Variants in PRKAR1B observed in about 807,000 individuals in gnomAD.
The protein encoded by PRKAR1B is protein kinase cAMP-dependent type I regulatory subunit beta.
A neutral mutation model predicts 46.5 loss-of-function variants in PRKAR1B; 22 were observed. That is an observed-to-expected ratio of 0.47 (90% CI 0.34 to 0.68). The LOEUF is 0.68. Among genes scored for constraint, PRKAR1B ranks in the 30% least tolerant of loss-of-function variants. The probability of loss-of-function intolerance (pLI) is 0.01; values close to 1 mark genes in which losing one functional copy is unlikely to be tolerated. For synonymous variants in PRKAR1B, 259 were observed against 217.7 expected, an observed-to-expected ratio of 1.19 and a Z score of -1.67; for missense variants, 445 against 535.6, an observed-to-expected ratio of 0.83 and a Z score of 1.67.
rs866540828 is a variant in PRKAR1B at position 555,749 on chromosome 7, A to G, written c.892-4279T>C. Among the ~76,000 whole-genome samples, 10 of 152,308 alleles carry G rather than the reference A, an allele frequency of 6.6e-5. No homozygotes were observed. In the Middle Eastern group the frequency reaches 0.01, roughly 155 times the overall value. The stretch of plus-strand genomic sequence containing the variant: ...GCAACTTGGCCAAGGCCACACAGTC[A>G]GAGTCCCGCTGCCTCCACAAGCAGA... On this transcript the variant is annotated intron_variant, in intron 9 of 10. Coordinates refer to ENST00000537384, the MANE Select transcript of PRKAR1B (RefSeq NM_001164760.2).
At chr7:676,949 G>GCCGGAGAAGGCA (rs1778355391) in intron 4 of PRKAR1B, among the ~76,000 whole-genome samples, 1 of 148,966 alleles carries the variant, frequency 6.7e-6, no homozygotes, top group Non-Finnish European at 1.5e-5. Context: ...CCTCCCGGAG[G>GCCGGAGAAGGCA]GCAAGGAGGG....
At chr7:636,751 G>A (rs1784131724) in intron 4 of PRKAR1B, among the ~76,000 whole-genome samples, 1 of 152,220 alleles carries the variant, frequency 6.6e-6, no homozygotes, top group Non-Finnish European at 1.5e-5. Context: ...GGCGGGACCT[G>A]ACGGGTCGGG....
intron 2 of PRKAR1B, among the ~76,000 whole-genome samples, chr7:687,427 A>G (rs145947311): frequency 3.5e-4 from 53 of 152,346 alleles, no homozygotes; most frequent in African/African-American, 1.3e-3. Flanking sequence ...AAAAATTGGA[A>G]CTAAGAACTT....
chr7:718,410 G>A (rs1780960084), intron 1 of PRKAR1B, among the ~76,000 whole-genome samples: 1 of 149,632 alleles, frequency 6.7e-6, no homozygotes, highest in African/African-American at 2.5e-5. Context: ...AGGATGGAGT[G>A]CAGTGGCACA....
chr7:601,652 C>A (rs1405045985), intron 6 of PRKAR1B, among the ~76,000 whole-genome samples: 1 of 152,242 alleles, frequency 6.6e-6, no homozygotes, highest in Non-Finnish European at 1.5e-5. Flanking sequence ...CTGACGCCCA[C>A]CCCTGCCCTG....
At chr7:591,060 C>T (rs922416809) in intron 7 of PRKAR1B, among the ~76,000 whole-genome samples, 7 of 152,282 alleles carry the variant, frequency 4.6e-5, no homozygotes, top group East Asian at 1.9e-4. Flanking sequence ...CCAGCAATTA[C>T]GCCCAGCCGG....
intron 2 of PRKAR1B, among the ~76,000 whole-genome samples, chr7:693,442 C>T (rs1337030089): frequency 6.6e-6 from 1 of 150,404 alleles, no homozygotes; most frequent in African/African-American, 2.4e-5. Context: ...AGCCCCGAAT[C>T]GACTTCCTGT....
chr7:706,422 A>ATCTTTTTTTTTTT (rs1780326036), intron 2 of PRKAR1B, among the ~76,000 whole-genome samples: 2 of 102,298 alleles, frequency 2.0e-5, no homozygotes, highest in Non-Finnish European at 3.7e-5. Flanking sequence ...CAAATAAGGA[A>ATCTTTTTTTTTTT]TTTTTTTTTT....
chr7:568,156 C>T (rs1049869846), intron 9 of PRKAR1B, among the ~76,000 whole-genome samples: 10 of 152,218 alleles, frequency 6.6e-5, no homozygotes, highest in African/African-American at 1.2e-4. Flanking sequence ...CACCCATGCT[C>T]GGGGGTCATG....
At chr7:590,008 C>T (rs137892594) in intron 7 of PRKAR1B, among the ~76,000 whole-genome samples, 345 of 152,356 alleles carry the variant, frequency 2.3e-3, no homozygotes, top group African/African-American at 7.7e-3. Flanking sequence ...CACTTTCAGA[C>T]GGAATCTGCT....
intron 4 of PRKAR1B, among the ~76,000 whole-genome samples, chr7:659,877 C>T (rs1785414498): frequency 6.6e-6 from 1 of 152,068 alleles, no homozygotes; most frequent in African/African-American, 2.4e-5. Flanking sequence ...GGCCCAGATT[C>T]CCAGATTTTT....
chr7:639,686 C>CA (rs1436986015), intron 4 of PRKAR1B, among the ~76,000 whole-genome samples: 1 of 151,634 alleles, frequency 6.6e-6, no homozygotes, highest in Admixed American at 6.6e-5. Context: ...CCCATCTCTA[C>CA]AAAAAAATTA....
intron 4 of PRKAR1B, among the ~76,000 whole-genome samples, chr7:610,712 C>T (rs1782432783): frequency 2.0e-5 from 3 of 152,200 alleles, no homozygotes; most frequent in Admixed American, 2.0e-4. Flanking sequence ...CACACAAAAC[C>T]CCCATGGCTT....
At chr7:625,851 A>G (rs868684395) in intron 4 of PRKAR1B, among the ~76,000 whole-genome samples, 1 of 152,096 alleles carries the variant, frequency 6.6e-6, no homozygotes. Flanking sequence ...AGTAAAAAAT[A>G]CACAAAATTA....
chr7:578,596 G>A (rs957854494), intron 9 of PRKAR1B, among the ~76,000 whole-genome samples: 23 of 152,250 alleles, frequency 1.5e-4, no homozygotes, highest in Middle Eastern at 3.4e-3. Flanking sequence ...ATGCGGACGC[G>A]GTGCCATCCC....
intron 9 of PRKAR1B, among the ~76,000 whole-genome samples, chr7:558,611 C>G (rs1032375753): frequency 1.3e-4 from 19 of 151,684 alleles, no homozygotes; most frequent in African/African-American, 4.4e-4. Flanking sequence ...CAAAAATTAG[C>G]CAGGCGTGGT....
chr7:727,231 C>G lies in PRKAR1B; in HGVS notation c.-44G>C, dbSNP rs748750722. The G allele has an allele frequency of 6.7e-5, 90 of 1,342,112 alleles. No homozygotes were observed. The highest frequency in any genetic ancestry group is 8.5e-5 in the Non-Finnish European group (89 of 1,047,538). 83.1% of individuals were successfully genotyped at this position (1,342,112 alleles called of 1,614,324 possible). ...CCACCTGGACGACGCTCTGCGCGCG[C>G]TGCGCTGCTCCCTGCTCGACCCCTT... On this transcript the variant is annotated 5_prime_UTR_variant, in exon 1 of 11. Transcript: ENST00000537384.
intron 4 of PRKAR1B, among the ~76,000 whole-genome samples, chr7:672,880 A>C (rs1786344289): frequency 6.6e-6 from 1 of 151,664 alleles, no homozygotes; most frequent in Non-Finnish European, 1.5e-5. Context: ...AAAAAGAAAA[A>C]ATAATTTTTT....
chr7:582,391 G>A (rs1269424208), intron 8 of PRKAR1B, among the ~76,000 whole-genome samples: 1 of 152,254 alleles, frequency 6.6e-6, no homozygotes, highest in East Asian at 1.9e-4. Context: ...CCATCCCTCC[G>A]GCCAAGCTGC....
Sources: allele counts gnomAD v4.1 joint callset (sites outside exome capture counted in the v4.1 genomes callset), GRCh38; gene constraint gnomAD v4.1.1; transcripts MANE v1.5; gene names NCBI Gene and HGNC (gene_info 2026-07-23, HGNC 2026-07-21).